The following CHN1 variants were observed in gnomAD, a reference collection of about 807,000 sequenced individuals.
CHN1 encodes the protein chimerin 1.
A neutral mutation model predicts 59.5 loss-of-function variants in CHN1; 37 were observed. The observed-to-expected ratio is 0.62, with a 90% confidence interval of 0.48 to 0.82. The LOEUF is 0.82. Ranked by LOEUF, CHN1 falls within the 40% of genes least tolerant of loss-of-function variation. CHN1 has a pLI of 0.00. For synonymous variants in CHN1, 206 were observed against 200.4 expected, an observed-to-expected ratio of 1.03 and a Z score of -0.24; for missense variants, 469 against 571.0, an observed-to-expected ratio of 0.82 and a Z score of 1.82.
intron 6 of CHN1, among the ~76,000 whole-genome samples, chr2:174,848,661 G>A (rs1686623713): frequency 6.6e-6 from 1 of 151,988 alleles, no homozygotes; most frequent in African/African-American, 2.4e-5. Flanking sequence ...GGCATGAAGT[G>A]GTTCTTAAGC....
chr2:174,937,913 T>A (rs891175745), intron 3 of CHN1, among the ~76,000 whole-genome samples: 1 of 152,172 alleles, frequency 6.6e-6, no homozygotes, highest in Non-Finnish European at 1.5e-5. Context: ...TTCTTGTACA[T>A]TCTGCAGAAC....
rs528885554 is a variant in CHN1 at position 174,832,303 on chromosome 2, A to G, written c.628-7785T>C. 3.3e-5 allele frequency among the ~76,000 whole-genome samples: 5 copies of G among 152,156 alleles called. No individual in the cohort carries two copies. In the South Asian group the frequency reaches 1.0e-3, roughly 32 times the overall value. On this transcript the variant is annotated intron_variant, in intron 7 of 12. Transcript: ENST00000409900. ...AAAAATTCTGTTTTTCTTCTTTTTC[A>G]CTGATTGCTGCTCTTACCTTTAATA... is the stretch of plus-strand genomic sequence containing the variant.
rs945925097 is a variant in CHN1 at position 174,990,470 on chromosome 2, G to A, written c.19+14424C>T. Among the ~76,000 whole-genome samples the A allele has an allele frequency of 5.3e-5, 8 of 152,178 alleles. No individual in the cohort carries two copies. The East Asian group carries it at 5.8e-4, about 11-fold the overall frequency. On this transcript the variant is annotated intron_variant, in intron 1 of 12. Transcript: ENST00000409900. ...ACTCCAATCCCCACCAACCTGTCCC[G>A]CCCCTGCAAGAAAGGGGCTTGTGGC...
Position 174,808,800 on chromosome 2 carries a change from AG to A in CHN1, c.1102+104del. On this transcript the variant is annotated intron_variant, in intron 11 of 12. Transcript: ENST00000409900. ...GTACATTAACCATAGAGAGAGGCAA[AG>A]GGGAAACATTTCATAAAATGCATTC... The A allele has an allele frequency of 4.1e-6, 5 of 1,228,732 alleles. No individual in the cohort carries two copies. In the South Asian group the frequency reaches 6.4e-5, roughly 16 times the overall value. The allele number at this position is 1,228,732 out of a possible 1,614,324, so 76.1% of individuals were successfully genotyped here. A position where few individuals can be genotyped will look rare whatever the true frequency, so the allele number is the denominator to read the frequency against.
chr2:174,978,586 T>G (rs765273918), intron 1 of CHN1, among the ~76,000 whole-genome samples: 1 of 152,200 alleles, frequency 6.6e-6, no homozygotes. Flanking sequence ...CTGCACCACA[T>G]TGAGAGACTA....
intron 11 of CHN1, among the ~76,000 whole-genome samples, chr2:174,806,041 C>T: frequency 6.6e-6 from 1 of 152,112 alleles, no homozygotes; most frequent in East Asian, 1.9e-4. Flanking sequence ...CCATCGTGAC[C>T]AGGAAGCATC....
intron 7 of CHN1, among the ~76,000 whole-genome samples, chr2:174,840,289 T>A (rs1686249755): frequency 1.4e-5 from 2 of 147,478 alleles, no homozygotes; most frequent in South Asian, 2.2e-4. Flanking sequence ...CTCAGCCTCC[T>A]AAGTAGCTGA....
chr2:174,847,603 G>C, intron 6 of CHN1: 1 of 1,315,822 alleles, frequency 7.6e-7, no homozygotes, highest in South Asian at 1.3e-5. Context: ...AGCAGGGAAG[G>C]TGGGGGGAAG....
intron 6 of CHN1, among the ~76,000 whole-genome samples, chr2:174,848,308 C>T (rs887482794): frequency 2.0e-5 from 3 of 152,084 alleles, no homozygotes; most frequent in Admixed American, 6.6e-5. Context: ...TATAGTGTAA[C>T]TACTTATAGG....
At chr2:174,985,527 C>T (rs1691311090) in intron 1 of CHN1, among the ~76,000 whole-genome samples, 1 of 152,034 alleles carries the variant, frequency 6.6e-6, no homozygotes, top group East Asian at 1.9e-4. Context: ...ACCCATTGTT[C>T]TAATAAATGT....
chr2:174,970,840 T>C (rs886382233), intron 1 of CHN1, among the ~76,000 whole-genome samples: 1 of 152,238 alleles, frequency 6.6e-6, no homozygotes, highest in Non-Finnish European at 1.5e-5. Flanking sequence ...GAAAAGATTA[T>C]TAAAACACTG....
At chr2:174,979,632 G>A (rs1691072521) in intron 1 of CHN1, among the ~76,000 whole-genome samples, 1 of 152,116 alleles carries the variant, frequency 6.6e-6, no homozygotes, top group African/African-American at 2.4e-5. Context: ...GGCCAACACG[G>A]TGAAACCCCA....
At chr2:174,956,881 T>C (rs1468407645) in intron 1 of CHN1, among the ~76,000 whole-genome samples, 3 of 152,194 alleles carry the variant, frequency 2.0e-5, no homozygotes, top group African/African-American at 7.2e-5. Context: ...TTATATGCTA[T>C]GAAGTTACCT....
intron 1 of CHN1, among the ~76,000 whole-genome samples, chr2:174,991,149 T>C (rs1453229011): frequency 6.6e-6 from 1 of 152,208 alleles, no homozygotes; most frequent in African/African-American, 2.4e-5. Flanking sequence ...CACAAGCTAG[T>C]TTTTAAGTGG....
intron 8 of CHN1, among the ~76,000 whole-genome samples, chr2:174,817,109 A>G (rs547493658): frequency 1.3e-4 from 20 of 152,324 alleles, no homozygotes; most frequent in African/African-American, 4.8e-4. Flanking sequence ...TATACCATAC[A>G]CTACATCATG....
At chr2:174,875,811 A>C in intron 6 of CHN1, 15 of 985,416 alleles carry the variant, frequency 1.5e-5, no homozygotes, top group Non-Finnish European at 1.7e-5. Flanking sequence ...TGTGACAGGG[A>C]ATCAACGTTT....
intron 6 of CHN1, among the ~76,000 whole-genome samples, chr2:174,865,772 G>A (rs1343508817): frequency 6.6e-6 from 1 of 152,144 alleles, no homozygotes; most frequent in Non-Finnish European, 1.5e-5. Context: ...AAACCTGTAT[G>A]TGTTCAGCCT....
rs563769253 is a variant in CHN1 at position 174,884,266 on chromosome 2, C to T, written c.261-6138G>A. The stretch of plus-strand genomic sequence containing the variant: ...GATTACAGGCGTGAGCCACCGAGCC[C>T]GGCCTGAAAGTCTAACATTTATAGA... On this transcript the variant is annotated intron_variant, in intron 5 of 12. Transcript: ENST00000409900. Among the ~76,000 whole-genome samples the T allele has an allele frequency of 4.2e-4, 64 of 151,854 alleles. No individual in the cohort carries two copies. In the South Asian group the frequency reaches 0.011, roughly 27 times the overall value.
At chr2:174,972,358 C>G (rs558011965) in intron 1 of CHN1, among the ~76,000 whole-genome samples, 1 of 152,290 alleles carries the variant, frequency 6.6e-6, no homozygotes, top group African/African-American at 2.4e-5. Flanking sequence ...CAGGCACTTA[C>G]TGTCTGCATC....
Sources: allele counts gnomAD v4.1 joint callset (sites outside exome capture counted in the v4.1 genomes callset), GRCh38; gene constraint gnomAD v4.1.1; transcripts MANE v1.5; gene names NCBI Gene and HGNC (gene_info 2026-07-23, HGNC 2026-07-21).